The following TMEM132B variants were observed in gnomAD, a reference collection of about 807,000 sequenced individuals.
The protein encoded by TMEM132B is transmembrane protein 132B.
TMEM132B carries 18 observed loss-of-function variants against 90.8 expected under a neutral mutation model. The observed-to-expected ratio is 0.20, with a 90% CI of 0.14 to 0.29. The LOEUF (loss-of-function observed/expected upper bound fraction) is 0.29. TMEM132B is among the 10% of genes least tolerant of loss of function. TMEM132B has a pLI of 1.00. For synonymous variants in TMEM132B, 504 were observed against 523.3 expected, an observed-to-expected ratio of 0.96 and a Z score of 0.50; for missense variants, 1,096 against 1,326.8, an observed-to-expected ratio of 0.83 and a Z score of 2.70.
At chr12:125,569,845 C>T (rs1055251139) in intron 4 of TMEM132B, among the ~76,000 whole-genome samples, 10 of 152,054 alleles carry the variant, frequency 6.6e-5, no homozygotes, top group Non-Finnish European at 1.2e-4. Context: ...TCTGGAGAGG[C>T]GTCAGAGGCT....
chr12:125,290,097 C>T (rs1305870936), intron 1 of TMEM132B, among the ~76,000 whole-genome samples: 2 of 152,096 alleles, frequency 1.3e-5, no homozygotes, highest in East Asian at 1.9e-4. Context: ...CCTACAAAGT[C>T]GGTATGTTTT....
intron 2 of TMEM132B, among the ~76,000 whole-genome samples, chr12:125,351,145 G>A (rs1877563260): frequency 6.6e-6 from 1 of 152,168 alleles, no homozygotes; most frequent in African/African-American, 2.4e-5. Flanking sequence ...TTCTGGAAAG[G>A]GCCACATGGT....
At chr12:125,618,315 G>A (rs919930559) in intron 5 of TMEM132B, among the ~76,000 whole-genome samples, 4 of 152,130 alleles carry the variant, frequency 2.6e-5, no homozygotes, top group African/African-American at 9.7e-5. Context: ...AAGTAGGGCT[G>A]GGTGGAGGAA....
At chr12:125,651,041 C>T in intron 7 of TMEM132B, 88 bp downstream of exon 7, 2 of 1,512,888 alleles carry the variant, frequency 1.3e-6, no homozygotes, top group East Asian at 4.7e-5. Context: ...TCTGTGTGCA[C>T]ATGTGCATGT....
intron 2 of TMEM132B, among the ~76,000 whole-genome samples, chr12:125,357,641 G>A (rs1029218854): frequency 2.7e-5 from 4 of 148,596 alleles, no homozygotes; most frequent in Middle Eastern, 3.4e-3. Flanking sequence ...CGAAGACCGG[G>A]GACCTGTGGC....
chr12:125,478,416 C>T (rs993309715), intron 3 of TMEM132B, among the ~76,000 whole-genome samples: 5 of 152,082 alleles, frequency 3.3e-5, no homozygotes, highest in African/African-American at 7.2e-5. Flanking sequence ...TAGAGAAGAC[C>T]TTAAATGACC....
intron 1 of TMEM132B, among the ~76,000 whole-genome samples, chr12:125,328,754 C>T (rs1184565932): frequency 6.6e-6 from 1 of 152,200 alleles, no homozygotes; most frequent in African/African-American, 2.4e-5. Context: ...GTTTTGGGGG[C>T]ACCATTCAAT....
At position 125,512,734 on chromosome 12, in the gene TMEM132B, C is replaced by T. The variant is rs530926066; in HGVS notation, c.1107-6705C>T. Among the ~76,000 whole-genome samples, 10 of 152,284 alleles carry T rather than the reference C, an allele frequency of 6.6e-5. No homozygotes were observed. In the East Asian group the frequency reaches 9.6e-4, roughly 15 times the overall value. On this transcript the variant is annotated intron_variant, in intron 3 of 8. Coordinates refer to ENST00000682704, the MANE Select transcript of TMEM132B (RefSeq NM_001366854.1). Reference sequence around the variant, plus strand: ...CTTTTCAGAGCATACTCAGAGAAAGCAGAACTGCCCTTGACAAAACGGAAA... The same window carrying T: ...CTTTTCAGAGCATACTCAGAGAAAGTAGAACTGCCCTTGACAAAACGGAAA...
At chr12:125,587,066 T>G (rs1350245216) in intron 5 of TMEM132B, 1 of 152,116 alleles carries the variant, frequency 6.6e-6, no homozygotes, top group Admixed American at 6.5e-5. Context: ...AGAAACTTGT[T>G]CTGCTGGATG....
chr12:125,586,406 T>C (rs1885179437), intron 5 of TMEM132B: 1 of 152,240 alleles, frequency 6.6e-6, no homozygotes, highest in Non-Finnish European at 1.5e-5. Context: ...TTAAAAGAGA[T>C]AAATGTAAAA....
At chr12:125,202,458 G>A (rs1873083335) in intron 1 of TMEM132B, among the ~76,000 whole-genome samples, 1 of 152,234 alleles carries the variant, frequency 6.6e-6, no homozygotes, top group Non-Finnish European at 1.5e-5. Flanking sequence ...CTGAAAGCTG[G>A]ACTGGGGAAT....
At chr12:125,198,267 T>C (rs944849316) in intron 1 of TMEM132B, among the ~76,000 whole-genome samples, 3 of 152,228 alleles carry the variant, frequency 2.0e-5, no homozygotes, top group African/African-American at 7.2e-5. Context: ...AAAATGGGAA[T>C]GTAGGCATCC....
rs780357563 is a variant in TMEM132B at position 125,660,900 on chromosome 12, A to C, written c.*6190A>C. 3.3e-5 allele frequency: 5 copies of C among 152,192 alleles called. No individual in the cohort carries two copies. Among genetic ancestry groups the C allele is most frequent in the Non-Finnish European group, 1.5e-5 (1 of 68,038 alleles). 9.4% of individuals were successfully genotyped at this position (152,192 alleles called of 1,614,324 possible). ...ATAGAAGACCTCTCTATACATCTAC[A>C]TTGCCCATTGGAGTAAAGCACTTTA... On this transcript the variant is annotated 3_prime_UTR_variant, in exon 9 of 9. Coordinates refer to ENST00000682704, the MANE Select transcript of TMEM132B (RefSeq NM_001366854.1).
chr12:125,574,736 T>C (rs887332748), intron 4 of TMEM132B, among the ~76,000 whole-genome samples: 1 of 152,054 alleles, frequency 6.6e-6, no homozygotes, highest in African/African-American at 2.4e-5. Context: ...CCCTGTATTA[T>C]ATCTACTTCT....
At chr12:125,291,214 C>T (rs1875529607) in intron 1 of TMEM132B, among the ~76,000 whole-genome samples, 1 of 152,170 alleles carries the variant, frequency 6.6e-6, no homozygotes, top group Non-Finnish European at 1.5e-5. Context: ...CCATCTGCAA[C>T]CCAGAAGAAG....
chr12:125,614,035 T>C (rs965448572), intron 5 of TMEM132B, among the ~76,000 whole-genome samples: 1 of 152,162 alleles, frequency 6.6e-6, no homozygotes, highest in Non-Finnish European at 1.5e-5. Flanking sequence ...TTTTATATTA[T>C]TGATTTTAAA....
intron 1 of TMEM132B, among the ~76,000 whole-genome samples, chr12:125,308,526 G>A (rs1010128167): frequency 6.6e-6 from 1 of 152,118 alleles, no homozygotes; most frequent in Admixed American, 6.6e-5. Context: ...GGCTCAAGGG[G>A]TTATGCATTT....
chr12:125,602,270 C>T (rs980746913), intron 5 of TMEM132B, among the ~76,000 whole-genome samples: 1 of 152,198 alleles, frequency 6.6e-6, no homozygotes, highest in Non-Finnish European at 1.5e-5. Flanking sequence ...CTACCGTGAT[C>T]AAGTCGGCTT....
intron 5 of TMEM132B, among the ~76,000 whole-genome samples, chr12:125,596,782 A>C (rs1244872555): frequency 6.6e-6 from 1 of 152,224 alleles, no homozygotes; most frequent in African/African-American, 2.4e-5. Context: ...AGAGAGATGA[A>C]TAAGTATTTC....
Sources: allele counts gnomAD v4.1 joint callset (sites outside exome capture counted in the v4.1 genomes callset), GRCh38; gene constraint gnomAD v4.1.1; transcripts MANE v1.5; gene names NCBI Gene and HGNC (gene_info 2026-07-23, HGNC 2026-07-21).